Variants in DNASE1 observed in about 807,000 individuals in gnomAD.
The protein encoded by DNASE1 is deoxyribonuclease 1, also known as deoxyribonuclease-1.
DNASE1 carries 40 observed loss-of-function variants against 33.9 expected under a neutral mutation model. The observed-to-expected ratio is 1.18, with a 90% confidence interval of 0.92 to 1.54. The LOEUF is 1.54. Ranked by LOEUF, DNASE1 falls within the 40% of genes most tolerant of loss-of-function variation. The pLI is 0.00. For missense variants in DNASE1, 518 were observed against 372.6 expected, an observed-to-expected ratio of 1.39 and a Z score of -3.21; for synonymous variants, 216 against 160.0, an observed-to-expected ratio of 1.35 and a Z score of -2.64.
At chr16:3,656,972 C>G in intron 5 of DNASE1, 27 bp from the exon 6 acceptor site, 1 of 1,609,694 alleles carries the variant, frequency 6.2e-7, no homozygotes, top group South Asian at 1.1e-5. Flanking sequence ...AGGGAGTGTG[C>G]CTCACACGAC....
chr16:3,648,693 C>T (rs2042243983), intron 1 of DNASE1, among the ~76,000 whole-genome samples: 1 of 152,184 alleles, frequency 6.6e-6, no homozygotes, highest in South Asian at 2.1e-4. Context: ...CAATAAGAGC[C>T]ATTACAAACT....
At position 3,657,104 on chromosome 16, in the gene DNASE1, G is replaced by C. The variant is rs1246433427; in HGVS notation, c.542G>C (p.Gly181Ala). 6.2e-7 allele frequency: 1 copy of C among 1,614,102 alleles called. No homozygotes were observed. Among genetic ancestry groups the C allele is most frequent in the Non-Finnish European group, 8.5e-7 (1 of 1,180,018 alleles). ...DVYLDVQEKW[G>A]LEDVMLMGDF... ...TACCTGGATGTCCAAGAGAAATGGGGCTTGGAGGTGAGGCCCTCCCAGGGG... is the reference window on the plus strand; with the variant it reads ...TACCTGGATGTCCAAGAGAAATGGGCCTTGGAGGTGAGGCCCTCCCAGGGG... Residue 181 changes from glycine to alanine, a missense_variant, in exon 6 of 9, where the codon GGC (glycine) becomes GCC (alanine). Transcript: ENST00000246949.
At chr16:3,618,586 C>T (rs772062316) in intron 1 of DNASE1, among the ~76,000 whole-genome samples, 4 of 152,078 alleles carry the variant, frequency 2.6e-5, no homozygotes, top group Admixed American at 6.6e-5. Flanking sequence ...AAAAATTAGC[C>T]GGGCTTGGTG....
rs367964145 is a variant in DNASE1, at chr16:3,656,793, C to T, written c.436+40C>T. The T allele has an allele frequency of 2.4e-5, 38 of 1,564,678 alleles. 1 individual carries two copies. In the African/African-American group the frequency reaches 4.3e-4, roughly 18 times the overall value. ...GGCCAGGGTGGGGCTCGGCTTGGCG[C>T]TTATGGCCTCCACCCCCTCCTAGGG... On this transcript the variant is annotated intron_variant, in intron 5 of 8. Transcript: ENST00000246949.
At chr16:3,612,389 T>G (rs1470898008) in intron 1 of DNASE1, among the ~76,000 whole-genome samples, 1 of 152,032 alleles carries the variant, frequency 6.6e-6, no homozygotes, top group Non-Finnish European at 1.5e-5. Flanking sequence ...TAGCTGGGAT[T>G]ACAGGCGCCA....
intron 1 of DNASE1, among the ~76,000 whole-genome samples, chr16:3,643,587 C>T (rs1234831902): frequency 1.3e-5 from 2 of 152,148 alleles, no homozygotes; most frequent in East Asian, 3.9e-4. Flanking sequence ...ATGTCCAGAC[C>T]CTCCGCCCTT....
chr16:3,655,390 T>C lies in DNASE1; in HGVS notation c.17T>C (p.Leu6Pro). 1 of 1,614,160 alleles carries C rather than the reference T, an allele frequency of 6.2e-7. No individual in the cohort carries two copies. Residue 6 changes from leucine (L) to proline (P), a missense_variant, in exon 2 of 9, where the codon CTG becomes CCG. Physicochemically the swap from Leu to Pro is moderately conservative, Grantham distance 98. Transcript: ENST00000246949. ...TCTCCCAGGATGAGGGGCATGAAGC[T>C]GCTGGGGGCGCTGCTGGCACTGGCG... Reference protein sequence around the residue: MRGMKLLGALLALAAL... With the variant: MRGMKPLGALLALAAL...
At chr16:3,663,664 A>C in exon 10 of DNASE1, 1 of 1,453,458 alleles carries the variant, frequency 6.9e-7, no homozygotes, top group Non-Finnish European at 9.3e-7. Flanking sequence ...CAAGCGGGCC[A>C]CACTGGGGAA....
chr16:3,644,145 C>A (rs537450391), intron 1 of DNASE1, among the ~76,000 whole-genome samples: 28 of 152,284 alleles, frequency 1.8e-4, no homozygotes, highest in African/African-American at 6.0e-4. Context: ...AGCACAATAA[C>A]TGAAATTTAA....
Position 3,656,148 on chromosome 16 carries a change from C to T in DNASE1, c.283C>T (p.Arg95Trp), listed in dbSNP as rs531591895. 25 of 1,614,068 alleles carry T rather than the reference C, an allele frequency of 1.5e-5. No individual in the cohort carries two copies. Among genetic ancestry groups the T allele is most frequent in the African/African-American group, 5.3e-5 (4 of 75,030 alleles). The change falls in exon 4 of 9, where the codon CGG (arginine) becomes TGG (tryptophan). Residue 95 changes from arginine to tryptophan, a missense_variant. Coordinates refer to ENST00000246949, the MANE Select transcript of DNASE1 (RefSeq NM_005223.4). ...YHYVVSEPLG[R>W]NSYKERYLFV... ...CTACGTGGTCAGTGAGCCACTGGGA[C>T]GGAACAGCTATAAGGAGCGCTACCT...
chr16:3,634,859 C>G (rs1411165381), intron 1 of DNASE1, among the ~76,000 whole-genome samples: 1 of 152,078 alleles, frequency 6.6e-6, no homozygotes, highest in African/African-American at 2.4e-5. Flanking sequence ...CTATGTGGCC[C>G]AGGCTAGAGT....
At chr16:3,622,325 TTTACTA>T (rs2041351075) in intron 1 of DNASE1, among the ~76,000 whole-genome samples, 1 of 152,294 alleles carries the variant, frequency 6.6e-6, no homozygotes, top group East Asian at 1.9e-4. Context: ...CATTTTGTCT[TTTACTA>T]TTTCAGCGGT....
chr16:3,627,011 A>G (rs1299313045), intron 1 of DNASE1, among the ~76,000 whole-genome samples: 2 of 151,170 alleles, frequency 1.3e-5, no homozygotes, highest in Non-Finnish European at 2.9e-5. Context: ...AGCTGGGACC[A>G]CAGGCACATG....
intron 7 of DNASE1, 108 bp from the exon 8 acceptor site, chr16:3,657,612 A>G: frequency 6.7e-7 from 1 of 1,483,228 alleles, no homozygotes; most frequent in Non-Finnish European, 9.2e-7. Flanking sequence ...TTGGGCACCC[A>G]CAGACCTGCA....
chr16:3,623,253 T>C (rs1229352162), intron 1 of DNASE1, among the ~76,000 whole-genome samples: 1 of 152,092 alleles, frequency 6.6e-6, no homozygotes, highest in East Asian at 1.9e-4. Flanking sequence ...GGACACGCTA[T>C]TCAATAAATA....
intron 1 of DNASE1, among the ~76,000 whole-genome samples, chr16:3,614,013 C>T (rs1380823822): frequency 1.3e-5 from 2 of 149,714 alleles, no homozygotes; most frequent in Non-Finnish European, 3.0e-5. Flanking sequence ...CCCGGGTTCA[C>T]GCCATTCTCC....
chr16:3,664,263 C>T (rs376835345), exon 10 of DNASE1: 33 of 1,565,696 alleles, frequency 2.1e-5, no homozygotes, highest in Middle Eastern at 3.5e-4. Context: ...CCCCACCCAC[C>T]GCTCACCCAC....
At chr16:3,647,739 C>G (rs929456729) in intron 1 of DNASE1, among the ~76,000 whole-genome samples, 1 of 152,122 alleles carries the variant, frequency 6.6e-6, no homozygotes, top group African/African-American at 2.4e-5. Flanking sequence ...TGTTGTAGCT[C>G]ACACCTGTAA....
At chr16:3,638,638 T>C (rs2041946654), upstream of DNASE1, among the ~76,000 whole-genome samples, 1 of 152,214 alleles carries the variant, frequency 6.6e-6, no homozygotes, top group South Asian at 2.1e-4. Flanking sequence ...ACGCCCGGCC[T>C]CTGTTTGGGT....
Sources: gnomAD v4.1 joint callset for allele counts (sites outside exome capture counted in the v4.1 genomes callset) on GRCh38, gnomAD v4.1.1 for gene constraint, MANE v1.5 for transcripts, NCBI Gene and HGNC (gene_info 2026-07-23, HGNC 2026-07-21) for gene names.